The following PDE1C variants were observed in gnomAD, a reference collection of about 807,000 sequenced individuals.
The protein encoded by PDE1C is dual specificity calcium/calmodulin-dependent 3',5'-cyclic nucleotide phosphodiesterase 1C.
A neutral mutation model predicts 93.1 loss-of-function variants in PDE1C; 62 were observed. The observed-to-expected ratio is 0.67, with a 90% CI of 0.54 to 0.82. The LOEUF (loss-of-function observed/expected upper bound fraction) is 0.82, where lower values mean the gene tolerates loss of function less well. Among genes scored for constraint, PDE1C ranks in the 40% least tolerant of loss-of-function variants. The probability of loss-of-function intolerance (pLI) is 0.00; values close to 1 mark genes in which losing one functional copy is unlikely to be tolerated. For synonymous variants in PDE1C, 325 were observed against 310.1 expected, an observed-to-expected ratio of 1.05 and a Z score of -0.50; for missense variants, 742 against 884.6, an observed-to-expected ratio of 0.84 and a Z score of 2.04.
chr7:32,425,106 CATTAT>C (rs1382884488), intron 1 of PDE1C, among the ~76,000 whole-genome samples: 2 of 151,574 alleles, frequency 1.3e-5, no homozygotes, highest in Non-Finnish European at 2.9e-5. Context: ...TACACACAGA[CATTAT>C]ATTATATTAC....
At chr7:31,618,205 A>G in the PDE1C span, among the ~76,000 whole-genome samples, 1 of 152,150 alleles carries the variant, frequency 6.6e-6, no homozygotes, top group African/African-American at 2.4e-5. Context: ...CAGCCTTTTC[A>G]CTTCATGTAT....
intron 1 of PDE1C, among the ~76,000 whole-genome samples, chr7:32,394,532 G>A (rs971168027): frequency 6.6e-6 from 1 of 152,200 alleles, no homozygotes; most frequent in African/African-American, 2.4e-5. Context: ...TCTGGGTTGG[G>A]CACATTGACT....
intron 2 of PDE1C, among the ~76,000 whole-genome samples, chr7:32,032,014 G>A (rs1033485854): frequency 2.6e-5 from 4 of 152,112 alleles, no homozygotes; most frequent in African/African-American, 7.2e-5. Flanking sequence ...ACAACCCTTT[G>A]CCATCTGAGC....
chr7:31,889,982 G>A (rs1478175035), intron 2 of PDE1C, among the ~76,000 whole-genome samples: 1 of 149,284 alleles, frequency 6.7e-6, no homozygotes, highest in Non-Finnish European at 1.5e-5. Context: ...AAAGGACATA[G>A]CGGATTTTTT....
At chr7:31,687,251 G>A in the PDE1C span, 1 of 152,432 alleles carries the variant, frequency 6.6e-6, no homozygotes, top group Non-Finnish European at 1.5e-5. Flanking sequence ...CAGCCTCGGT[G>A]AGCACACACG....
the PDE1C span, among the ~76,000 whole-genome samples, chr7:31,657,101 T>A: frequency 5.2e-4 from 1 of 1,910 alleles, no homozygotes; most frequent in South Asian, 9.4e-3. Flanking sequence ...ATGATATATA[T>A]AAAATATATA....
chr7:31,704,759 A>C, the PDE1C span, among the ~76,000 whole-genome samples: 1 of 152,160 alleles, frequency 6.6e-6, no homozygotes, highest in East Asian at 1.9e-4. Context: ...AGGTAGGTTA[A>C]GTGAGTGCTC....
the PDE1C span, chr7:31,696,922 T>C: frequency 6.3e-7 from 1 of 1,597,210 alleles, no homozygotes; most frequent in South Asian, 1.1e-5. Context: ...TTAGGATATA[T>C]GTATTTGATC....
At chr7:32,289,304 G>A (rs909556208) in intron 1 of PDE1C, among the ~76,000 whole-genome samples, 5 of 152,148 alleles carry the variant, frequency 3.3e-5, no homozygotes, top group South Asian at 2.1e-4. Flanking sequence ...CTACTCAGAG[G>A]CAGGCTGAGG....
chr7:32,084,841 G>A lies in PDE1C; in HGVS notation c.308+84944C>T, dbSNP rs1220303783. Among the ~76,000 whole-genome samples, 22 of 142,536 alleles carry A rather than the reference G, an allele frequency of 1.5e-4. No individual in the cohort carries two copies. The South Asian group carries it at 2.7e-3, about 17-fold the overall frequency. The allele number at this position is 142,536 out of a possible 152,430, so 93.5% of individuals were successfully genotyped here. A position where few individuals can be genotyped will look rare whatever the true frequency, so the allele number is the denominator to read the frequency against. Reference sequence around the variant, plus strand: ...CACAACATACCAGAATCTCTGGGACGCATTCAAAGCAGTGTGTAGAGGGAA... The same window carrying A: ...CACAACATACCAGAATCTCTGGGACACATTCAAAGCAGTGTGTAGAGGGAA... On this transcript the variant is annotated intron_variant, in intron 3 of 18. Transcript: ENST00000396193.
At chr7:32,317,015 C>T (rs569572833) in intron 1 of PDE1C, among the ~76,000 whole-genome samples, 48 of 152,220 alleles carry the variant, frequency 3.2e-4, no homozygotes, top group African/African-American at 1.0e-3. Context: ...CACAGGGCAC[C>T]GCCACTGACA....
At chr7:31,931,304 G>T (rs1804216153) in intron 2 of PDE1C, among the ~76,000 whole-genome samples, 1 of 152,184 alleles carries the variant, frequency 6.6e-6, no homozygotes, top group Middle Eastern at 3.2e-3. Flanking sequence ...AATTGTCTCT[G>T]TTTGCAGATG....
At chr7:31,890,470 A>G (rs1798481716) in intron 2 of PDE1C, among the ~76,000 whole-genome samples, 1 of 152,192 alleles carries the variant, frequency 6.6e-6, no homozygotes, top group South Asian at 2.1e-4. Flanking sequence ...AGACACGTCA[A>G]GACACATCTT....
At chr7:32,267,060 G>T (rs1439806722) in intron 1 of PDE1C, among the ~76,000 whole-genome samples, 1 of 152,214 alleles carries the variant, frequency 6.6e-6, no homozygotes, top group African/African-American at 2.4e-5. Context: ...CCAGGGACTC[G>T]CCTGCCTCAG....
intron 1 of PDE1C, among the ~76,000 whole-genome samples, chr7:32,248,469 T>C (rs908613140): frequency 2.0e-5 from 3 of 152,122 alleles, no homozygotes; most frequent in African/African-American, 7.2e-5. Context: ...GCAGGCAAAA[T>C]TGAAATAGCA....
At chr7:31,838,700 A>T (rs970072357) in intron 9 of PDE1C, among the ~76,000 whole-genome samples, 4 of 152,024 alleles carry the variant, frequency 2.6e-5, no homozygotes, top group African/African-American at 9.7e-5. Flanking sequence ...TTTTTCCCTC[A>T]ACCCCTGCCA....
At chr7:32,410,171 T>C (rs955007031) in intron 1 of PDE1C, among the ~76,000 whole-genome samples, 2 of 152,108 alleles carry the variant, frequency 1.3e-5, no homozygotes, top group Admixed American at 1.3e-4. Context: ...AAAGTAGTTT[T>C]TTAAAAACCA....
chr7:31,864,877 C>A, intron 7 of PDE1C, 65 bp downstream of exon 7: 14 of 1,505,782 alleles, frequency 9.3e-6, no homozygotes, highest in Non-Finnish European at 1.3e-5. Flanking sequence ...AGAATTGGAA[C>A]AGTCACCATT....
At chr7:32,233,763 C>G (rs1807875030) in intron 1 of PDE1C, among the ~76,000 whole-genome samples, 1 of 152,040 alleles carries the variant, frequency 6.6e-6, no homozygotes, top group South Asian at 2.1e-4. Flanking sequence ...TCTCAGTAAT[C>G]AATAGAATGA....
Sources: gnomAD v4.1 joint callset for allele counts (sites outside exome capture counted in the v4.1 genomes callset) on GRCh38, gnomAD v4.1.1 for gene constraint, MANE v1.5 for transcripts, NCBI Gene and HGNC (gene_info 2026-07-23, HGNC 2026-07-21) for gene names.